Variants in ZNF66 observed in about 807,000 individuals in gnomAD.
ZNF66 encodes zinc finger protein 66.
A neutral mutation model predicts 35.2 loss-of-function variants in ZNF66; 32 were observed. The observed-to-expected ratio is 0.91, with a 90% CI of 0.69 to 1.22. ZNF66 has a LOEUF of 1.22. ZNF66 is among the 50% of genes most tolerant of loss of function. ZNF66 has a pLI of 0.00. For synonymous variants in ZNF66, 231 were observed against 181.3 expected (o/e 1.27, Z -2.20); for missense variants, 666 against 543.1 (o/e 1.23, Z -2.25).
intron 3 of ZNF66, among the ~76,000 whole-genome samples, chr19:20,805,126 T>TGTGTGTGTGA (rs752355466): frequency 6.9e-6 from 1 of 145,984 alleles, no homozygotes; most frequent in African/African-American, 2.5e-5. Context: ...TGTGTGTGTG[T>TGTGTGTGTGA]GAGAGAGAGA....
At chr19:20,793,332 C>CTTTTTTTTTTTTTTTTTTTTT (rs781748526) in intron 2 of ZNF66, among the ~76,000 whole-genome samples, 2 of 84,608 alleles carry the variant, frequency 2.4e-5, no homozygotes, top group Non-Finnish European at 4.3e-5. Context: ...CTTTTCTTTT[C>CTTTTTTTTTTTTTTTTTTTTT]TTTTTTTTTT....
chr19:20,779,655 C>T (rs1235663151), intron 1 of ZNF66, among the ~76,000 whole-genome samples: 2 of 151,698 alleles, frequency 1.3e-5, no homozygotes, highest in Non-Finnish European at 2.9e-5. Context: ...ATGATGAAAT[C>T]CTGTCTCTAC....
Position 20,804,056 on chromosome 19 carries a change from G to GT in ZNF66, c.227-1769dup, listed in dbSNP as rs571365555. ...GAAATTTTGCTTATTATGTGTGTTT[G>GT]TTATAAATATCTTGGTGTGTACATT... On this transcript the variant is annotated intron_variant, in intron 3 of 3. Coordinates refer to ENST00000344519, the MANE Select transcript of ZNF66 (RefSeq NM_001355197.2). 3.0e-3 allele frequency among the ~76,000 whole-genome samples: 456 copies of GT among 151,766 alleles called. 2 individuals are homozygous for GT. Among genetic ancestry groups the GT allele is most frequent in the African/African-American group, 1.0e-2 (414 of 41,422 alleles).
intron 3 of ZNF66, among the ~76,000 whole-genome samples, chr19:20,803,559 T>C (rs888997840): frequency 7.2e-5 from 11 of 152,134 alleles, no homozygotes; most frequent in African/African-American, 2.4e-4. Flanking sequence ...ATTAACATGT[T>C]TATAATAATT....
chr19:20,807,202 GA>G lies in ZNF66; in HGVS notation c.1605del (p.Lys535AsnfsTer23). ...TRHKKIHTGG[K>X]PHKCNKCGKA... ...GACATAAGAAAATTCATACTGGAGG[GA>G]AACCACACAAGTGCAATAAATGTGG... is the stretch of plus-strand genomic sequence containing the variant. On this transcript the variant is annotated frameshift_variant, in exon 4 of 4. Coordinates refer to ENST00000344519, the MANE Select transcript of ZNF66 (RefSeq NM_001355197.2). LOFTEE classifies it high-confidence loss of function. 1.4e-6 allele frequency: 1 copy of G among 736,156 alleles called. No individual in the cohort carries two copies. The allele number at this position is 736,156 out of a possible 1,614,324, so 45.6% of individuals were successfully genotyped here.
At chr19:20,802,899 T>A (rs1971462986) in intron 3 of ZNF66, among the ~76,000 whole-genome samples, 1 of 152,206 alleles carries the variant, frequency 6.6e-6, no homozygotes, top group African/African-American at 2.4e-5. Flanking sequence ...TAAACAAATT[T>A]GTCATAGATT....
chr19:20,794,870 C>CT (rs59063566), intron 3 of ZNF66, among the ~76,000 whole-genome samples: 67,393 of 130,728 alleles, frequency 0.52, 17,693 homozygotes, highest in East Asian at 0.67. Context: ...CAACCAGCAA[C>CT]TTTTTTTTTT....
At chr19:20,795,852 G>A (rs1284948576) in intron 3 of ZNF66, among the ~76,000 whole-genome samples, 1 of 152,142 alleles carries the variant, frequency 6.6e-6, no homozygotes, top group Admixed American at 6.5e-5. Context: ...GACTCTGACT[G>A]GGAGGAGTTT....
In ZNF66 at chr19:20,807,964, G is replaced by C. The variant is rs1341343252; in HGVS notation, c.*642G>C. Among the ~76,000 whole-genome samples the C allele has an allele frequency of 6.6e-6, 1 of 150,526 alleles. No individual in the cohort carries two copies. The highest frequency in any genetic ancestry group is 1.5e-5 in the Non-Finnish European group (1 of 67,024). On this transcript the variant is annotated 3_prime_UTR_variant, in exon 4 of 4. Transcript: ENST00000344519. The stretch of plus-strand genomic sequence containing the variant: ...CAGGGAGTTCCCTTTCCTAGTCAAA[G>C]AAAGGGGTGACAGATGGCACCTGGA...
rs1177730592 is a variant in ZNF66, at chr19:20,808,156, G to C, written c.*834G>C. Among the ~76,000 whole-genome samples, 1 of 152,206 alleles carries C rather than the reference G, an allele frequency of 6.6e-6. No homozygotes were observed. The highest frequency in any genetic ancestry group is 1.5e-5 in the Non-Finnish European group (1 of 68,046). On this transcript the variant is annotated 3_prime_UTR_variant, in exon 4 of 4. Coordinates refer to ENST00000344519, the MANE Select transcript of ZNF66 (RefSeq NM_001355197.2). ...ACTGCAAGGCAGCAGCGAGGCTGGG[G>C]GAGGAGCGCCTGCCATTGCCCAGGC...
intron 3 of ZNF66, 102 bp downstream of exon 3, chr19:20,793,980 A>C (rs1971367704): frequency 1.6e-6 from 1 of 621,140 alleles, no homozygotes; most frequent in Non-Finnish European, 2.7e-6. Context: ...CTGTGTTCCA[A>C]AGGAACTTCT....
chr19:20,798,991 T>C (rs1411803638), intron 3 of ZNF66: 2 of 152,124 alleles, frequency 1.3e-5, no homozygotes, highest in Admixed American at 1.3e-4. Context: ...TTTTCAATTA[T>C]GTCTTCCAGG....
At chr19:20,801,984 C>T (rs569768980) in intron 3 of ZNF66, among the ~76,000 whole-genome samples, 13 of 152,052 alleles carry the variant, frequency 8.5e-5, no homozygotes, top group African/African-American at 2.9e-4. Context: ...GATGTGGTGA[C>T]AGAAATTTGC....
intron 3 of ZNF66, among the ~76,000 whole-genome samples, chr19:20,801,072 T>C (rs998793311): frequency 2.6e-5 from 4 of 152,140 alleles, no homozygotes; most frequent in African/African-American, 9.7e-5. Context: ...TCAATTCACT[T>C]TACCATAATA....
At chr19:20,801,821 G>A (rs1971450564) in intron 3 of ZNF66, among the ~76,000 whole-genome samples, 1 of 151,664 alleles carries the variant, frequency 6.6e-6, no homozygotes, top group Non-Finnish European at 1.5e-5. Flanking sequence ...TAGAGACAGA[G>A]TTTTGCCATG....
chr19:20,777,899 G>A (rs765082579), intron 1 of ZNF66, among the ~76,000 whole-genome samples: 1 of 152,136 alleles, frequency 6.6e-6, no homozygotes, highest in Non-Finnish European at 1.5e-5. Flanking sequence ...TGTAGACAAT[G>A]AATATATTTC....
At chr19:20,793,357 G>GTCTCACTCT (rs1366683188) in intron 2 of ZNF66, among the ~76,000 whole-genome samples, 1 of 95,346 alleles carries the variant, frequency 1.0e-5, no homozygotes, top group African/African-American at 3.7e-5. Context: ...TTGAGACAGA[G>GTCTCACTCT]TCTCACTCTG....
chr19:20,794,920 A>G (rs1971377073), intron 3 of ZNF66, among the ~76,000 whole-genome samples: 1 of 142,184 alleles, frequency 7.0e-6, no homozygotes, highest in Non-Finnish European at 1.5e-5. Context: ...TGCCCAGGCT[A>G]AAGTGCAATG....
intron 3 of ZNF66, among the ~76,000 whole-genome samples, chr19:20,800,404 T>G (rs1971437396): frequency 6.6e-6 from 1 of 152,140 alleles, no homozygotes; most frequent in Admixed American, 6.6e-5. Context: ...GGGAGAGTAT[T>G]TTATGTATCT....
Sources: allele counts gnomAD v4.1 joint callset (sites outside exome capture counted in the v4.1 genomes callset), GRCh38; gene constraint gnomAD v4.1.1; transcripts MANE v1.5; gene names NCBI Gene and HGNC (gene_info 2026-07-23, HGNC 2026-07-21).